The following SLC9A9 variants were observed in gnomAD, a reference collection of about 807,000 sequenced individuals.
SLC9A9 encodes solute carrier family 9 member A9, also known as sodium/hydrogen exchanger 9.
In SLC9A9, 62 loss-of-function variants were observed where a neutral mutation model predicts 77.8. That is an observed-to-expected ratio of 0.80 (90% CI 0.65 to 0.98). The LOEUF is 0.98. SLC9A9 is among the 50% of genes least tolerant of loss of function. The pLI is 0.00. For missense variants in SLC9A9, 775 were observed against 774.9 expected (o/e 1.00, Z 0.00); for synonymous variants, 320 against 283.5 (o/e 1.13, Z -1.29).
chr3:143,596,709 C>G (rs1243669304), intron 6 of SLC9A9, among the ~76,000 whole-genome samples: 1 of 152,116 alleles, frequency 6.6e-6, no homozygotes, highest in Admixed American at 6.5e-5. Context: ...GTCACCCAAG[C>G]TGGAGTACAG....
chr3:143,743,726 C>T (rs998439649), intron 4 of SLC9A9, among the ~76,000 whole-genome samples: 6 of 152,152 alleles, frequency 3.9e-5, no homozygotes, highest in Non-Finnish European at 7.3e-5. Context: ...AGAAATAATG[C>T]TTTATCTGTT....
chr3:143,335,529 G>T (rs1006305736), intron 14 of SLC9A9, among the ~76,000 whole-genome samples: 4 of 152,092 alleles, frequency 2.6e-5, no homozygotes, highest in South Asian at 2.1e-4. Flanking sequence ...ATATTACAAG[G>T]CTATAGTATT....
intron 12 of SLC9A9, among the ~76,000 whole-genome samples, chr3:143,411,193 G>T (rs1348379887): frequency 1.3e-5 from 2 of 152,274 alleles, no homozygotes; most frequent in East Asian, 3.9e-4. Context: ...CTATCAGAAG[G>T]TCTGTAAGAT....
chr3:143,609,506 G>A (rs1030623168), intron 6 of SLC9A9, among the ~76,000 whole-genome samples: 1 of 152,150 alleles, frequency 6.6e-6, no homozygotes, highest in African/African-American at 2.4e-5. Flanking sequence ...ATCAATCAAA[G>A]ATATACCTTC....
chr3:143,504,708 T>G (rs1363438912), intron 9 of SLC9A9, among the ~76,000 whole-genome samples: 1 of 152,212 alleles, frequency 6.6e-6, no homozygotes. Flanking sequence ...TATTAAAAGC[T>G]TTTACATACT....
At position 143,317,157 on chromosome 3, in the gene SLC9A9, AC is replaced by A. The variant is rs2031241275; in HGVS notation, c.1604+46326del. ...CCCTCAAAGAACCAATCTAATGTCA[AC>A]CCCTCAGTGATTAAAAACACTAATT... On this transcript the variant is annotated intron_variant, in intron 14 of 15. Coordinates refer to ENST00000316549, the MANE Select transcript of SLC9A9 (RefSeq NM_173653.4). Among the ~76,000 whole-genome samples, 3 of 152,226 alleles carry A rather than the reference AC, an allele frequency of 2.0e-5. No homozygotes were observed. The East Asian group carries it at 5.8e-4, about 29-fold the overall frequency.
At chr3:143,827,207 A>C (rs1226651474) in intron 2 of SLC9A9, among the ~76,000 whole-genome samples, 1 of 152,250 alleles carries the variant, frequency 6.6e-6, no homozygotes, top group Non-Finnish European at 1.5e-5. Flanking sequence ...GCTATCATGT[A>C]ATAGGATGTA....
At chr3:143,704,486 T>C (rs1393479786) in intron 4 of SLC9A9, among the ~76,000 whole-genome samples, 2 of 152,188 alleles carry the variant, frequency 1.3e-5, no homozygotes, top group Admixed American at 6.5e-5. Context: ...ATCATTTCAA[T>C]TGATGACAAA....
chr3:143,598,912 G>T (rs2037802508), intron 6 of SLC9A9, among the ~76,000 whole-genome samples: 1 of 152,172 alleles, frequency 6.6e-6, no homozygotes. Context: ...CTTTCTCAGG[G>T]AACAGGAATC....
At chr3:143,322,523 C>A (rs1006652644) in intron 14 of SLC9A9, among the ~76,000 whole-genome samples, 3 of 152,102 alleles carry the variant, frequency 2.0e-5, no homozygotes, top group African/African-American at 7.2e-5. Context: ...TGAGCCCATG[C>A]CTTATAATAA....
At chr3:143,366,099 G>T (rs1448337420) in intron 13 of SLC9A9, among the ~76,000 whole-genome samples, 2 of 152,122 alleles carry the variant, frequency 1.3e-5, no homozygotes, top group African/African-American at 4.8e-5. Context: ...TAATGTAAGG[G>T]TGGGCAGTGT....
At chr3:143,623,019 G>A (rs2038249639) in intron 6 of SLC9A9, among the ~76,000 whole-genome samples, 1 of 152,162 alleles carries the variant, frequency 6.6e-6, no homozygotes, top group South Asian at 2.1e-4. Context: ...GACAAAGAAG[G>A]CCATTACATA....
chr3:143,273,481 AG>A (rs1271575842), intron 14 of SLC9A9, among the ~76,000 whole-genome samples: 1 of 152,186 alleles, frequency 6.6e-6, no homozygotes, highest in Non-Finnish European at 1.5e-5. Flanking sequence ...CATAGCAAGA[AG>A]GCAGCCATCT....
intron 12 of SLC9A9, among the ~76,000 whole-genome samples, chr3:143,383,450 C>G (rs2033349375): frequency 1.9e-5 from 1 of 53,230 alleles, no homozygotes. Flanking sequence ...ATTCCAATAC[C>G]ATTTGATCAG....
At chr3:143,575,874 C>T (rs776229509) in intron 7 of SLC9A9, among the ~76,000 whole-genome samples, 19 of 152,022 alleles carry the variant, frequency 1.2e-4, no homozygotes, top group Non-Finnish European at 2.6e-4. Context: ...AGGAGGACAA[C>T]AGTAAGCATT....
At chr3:143,611,513 AT>A (rs1332393064) in intron 6 of SLC9A9, among the ~76,000 whole-genome samples, 1 of 152,240 alleles carries the variant, frequency 6.6e-6, no homozygotes, top group African/African-American at 2.4e-5. Context: ...AGTCTAAATG[AT>A]TTCTTGAGAG....
intron 14 of SLC9A9, among the ~76,000 whole-genome samples, chr3:143,360,951 G>A (rs538233620): frequency 3.2e-4 from 48 of 152,262 alleles, no homozygotes; most frequent in African/African-American, 1.1e-3. Context: ...CGGTGTGTGG[G>A]CCTCATGCAA....
At chr3:143,680,821 T>C (rs1370013317) in intron 5 of SLC9A9, among the ~76,000 whole-genome samples, 3 of 152,182 alleles carry the variant, frequency 2.0e-5, no homozygotes, top group African/African-American at 7.2e-5. Flanking sequence ...TATTTTTCCC[T>C]TTACACATTC....
At chr3:143,455,302 A>AT (rs930801677) in intron 12 of SLC9A9, among the ~76,000 whole-genome samples, 2 of 152,134 alleles carry the variant, frequency 1.3e-5, no homozygotes, top group Non-Finnish European at 2.9e-5. Context: ...TCAATATCAC[A>AT]TTTTTTGGTT....
Sources: gnomAD v4.1 joint callset for allele counts (sites outside exome capture counted in the v4.1 genomes callset) on GRCh38, gnomAD v4.1.1 for gene constraint, MANE v1.5 for transcripts, NCBI Gene and HGNC (gene_info 2026-07-23, HGNC 2026-07-21) for gene names.